The following GCN1 variants were observed in gnomAD, a reference collection of about 807,000 sequenced individuals.
The protein encoded by GCN1 is stalled ribosome sensor GCN1.
In GCN1, 90 loss-of-function variants were observed where a neutral mutation model predicts 288.4. The ratio of observed to expected loss-of-function variants is 0.31; its 90% confidence interval spans 0.26 to 0.37. The LOEUF is 0.37. Ranked by LOEUF, GCN1 falls within the 10% of genes least tolerant of loss-of-function variation. The pLI is 1.00. For synonymous variants in GCN1, 1,386 were observed against 1,420.2 expected, an observed-to-expected ratio of 0.98 and a Z score of 0.54; for missense variants, 2,586 against 3,419.9, an observed-to-expected ratio of 0.76 and a Z score of 6.08.
chr12:120,134,083 C>T lies in GCN1; in HGVS notation c.7317+208G>A, dbSNP rs183595189. ...CTCAGCCAAAAAACAAACAAACAAACGGAAATAACCAATATATCCACAATA... is the reference window on the plus strand; with the variant it reads ...CTCAGCCAAAAAACAAACAAACAAATGGAAATAACCAATATATCCACAATA... On this transcript the variant is annotated intron_variant, in intron 53 of 57. Coordinates refer to ENST00000300648, the MANE Select transcript of GCN1 (RefSeq NM_006836.2). This position sits in a 1 kb window ranked among gnomAD's most constrained non-coding sequence, Gnocchi z 5.0. 7.2e-5 allele frequency among the ~76,000 whole-genome samples: 11 copies of T among 152,216 alleles called. No homozygotes were observed. The East Asian group carries it at 1.7e-3, about 24-fold the overall frequency.
At chr12:120,162,119 C>A in intron 20 of GCN1, 61 bp from the exon 21 acceptor site, 1 of 1,408,448 alleles carries the variant, frequency 7.1e-7, no homozygotes, top group Non-Finnish European at 9.9e-7. Context: ...AAGAGGTCCA[C>A]CACACCTGAA....
chr12:120,161,479 C>A lies in GCN1; in HGVS notation c.2436+11G>T. 1 of 1,592,724 alleles carries A rather than the reference C, an allele frequency of 6.3e-7. No individual in the cohort carries two copies. Among genetic ancestry groups the A allele is most frequent in the Non-Finnish European group, 8.6e-7 (1 of 1,160,510 alleles). ...AGCAGCCACCTTCCGTAAGTGCCTC[C>A]GTGTACTCACCTCCTTCAGCTCCAG... On this transcript the variant is annotated intron_variant, in intron 22 of 57. Coordinates refer to ENST00000300648, the MANE Select transcript of GCN1 (RefSeq NM_006836.2).
chr12:120,154,663 ACT>A (rs1297363663), intron 31 of GCN1, among the ~76,000 whole-genome samples: 2 of 152,184 alleles, frequency 1.3e-5, no homozygotes, highest in Non-Finnish European at 2.9e-5. Context: ...AGGAGAGGAC[ACT>A]CTAAGGAACT....
Position 120,129,514 on chromosome 12 carries a change from C to G in GCN1, c.7672-20G>C. 1 of 1,576,328 alleles carries G rather than the reference C, an allele frequency of 6.3e-7. No homozygotes were observed. Among genetic ancestry groups the G allele is most frequent in the South Asian group, 1.1e-5 (1 of 90,362 alleles). Reference sequence around the variant, plus strand: ...CAGACACTGTAAAAAGAACCACAAACAGGCTTTTGGATAGGCATGTCATCT... The same window carrying G: ...CAGACACTGTAAAAAGAACCACAAAGAGGCTTTTGGATAGGCATGTCATCT... On this transcript the variant is annotated intron_variant, in intron 56 of 57. Transcript: ENST00000300648.
chr12:120,191,929 T>C (rs960846661), intron 1 of GCN1, among the ~76,000 whole-genome samples: 1 of 152,138 alleles, frequency 6.6e-6, no homozygotes, highest in Non-Finnish European at 1.5e-5. Flanking sequence ...ACAGCTCCCT[T>C]TCCTGCTGTG....
intron 2 of GCN1, among the ~76,000 whole-genome samples, chr12:120,188,824 G>A (rs1230746852): frequency 1.3e-5 from 2 of 151,036 alleles, no homozygotes; most frequent in East Asian, 3.9e-4. Context: ...ACTCCAGCCT[G>A]GGCAACACAG....
At position 120,137,306 on chromosome 12, in the gene GCN1, C is replaced by G; in HGVS notation, c.6677G>C (p.Gly2226Ala). The G allele has an allele frequency of 6.2e-7, 1 of 1,613,640 alleles. No individual in the cohort carries two copies. Among genetic ancestry groups the G allele is most frequent in the Non-Finnish European group, 8.5e-7 (1 of 1,179,616 alleles). ...LNAITKKLDAGNQLALIEELH... is the reference protein window; with the variant it reads ...LNAITKKLDAANQLALIEELH... ...CTCTTCAATGAGTGCCAACTGGTTGCCAGCATCCAGCTTCTGCAGGAATCC... is the reference window on the plus strand; with the variant it reads ...CTCTTCAATGAGTGCCAACTGGTTGGCAGCATCCAGCTTCTGCAGGAATCC... The change falls in exon 50 of 58, where the codon GGC becomes GCC. Residue 2226 changes from glycine (G) to alanine (A), a missense_variant. By Grantham distance (60) the Gly-to-Ala change is moderately conservative (BLOSUM62 0). Around this residue, in one of 8 missense-constraint regions of GCN1, gnomAD observed 437 missense variants for 570.5 expected, o/e 0.77. Transcript: ENST00000300648. This position sits in a 1 kb window ranked among gnomAD's most constrained non-coding sequence, Gnocchi z 5.2.
intron 36 of GCN1, 68 bp downstream of exon 36, chr12:120,149,538 C>G (rs1211149180): frequency 9.1e-7 from 1 of 1,099,646 alleles, no homozygotes; most frequent in Non-Finnish European, 1.4e-6. Context: ...TGTGGCTACC[C>G]AGGATCCTTG....
rs757372265 is a variant in GCN1, at chr12:120,139,032, G to C, written c.5995-176C>G. 3 of 516,254 alleles carry C rather than the reference G, an allele frequency of 5.8e-6. No individual in the cohort carries two copies. The African/African-American group carries it at 5.8e-5, about 10-fold the overall frequency. The allele number at this position is 516,254 out of a possible 1,614,324, so 32.0% of individuals were successfully genotyped here. Reference sequence around the variant, plus strand: ...AATAAAAAAAAGGAGAGAAGGGGCCGGGCACGGTGGCTCACACCTGTAATC... The same window carrying C: ...AATAAAAAAAAGGAGAGAAGGGGCCCGGCACGGTGGCTCACACCTGTAATC... On this transcript the variant is annotated intron_variant, in intron 45 of 57. Transcript: ENST00000300648.
chr12:120,149,929 ACAT>A lies in GCN1; in HGVS notation c.4421_4423del (p.Tyr1474_Val1475delinsLeu). On this transcript the variant is annotated inframe_deletion, in exon 35 of 58. Coordinates refer to ENST00000300648, the MANE Select transcript of GCN1 (RefSeq NM_006836.2). The stretch of plus-strand genomic sequence containing the variant: ...AGCAGTCCGGGGACTTACCTCACGC[ACAT>A]ACTGGTTTCCATCCCCAAAGCACAG... The A allele has an allele frequency of 6.2e-7, 1 of 1,614,182 alleles. No individual in the cohort carries two copies. The highest frequency in any genetic ancestry group is 8.5e-7 in the Non-Finnish European group (1 of 1,180,038).
rs965590504 is a variant in GCN1 at position 120,176,026 on chromosome 12, T to G, written c.913+117A>C. On this transcript the variant is annotated intron_variant, in intron 10 of 57. Transcript: ENST00000300648. ...AGAAACTGCCAATGCCAATGTAGTT[T>G]AGGTTAGGGCCTTATTACTACCCTG... is the stretch of plus-strand genomic sequence containing the variant. 3 of 1,274,374 alleles carry G rather than the reference T, an allele frequency of 2.4e-6. No individual in the cohort carries two copies. In the African/African-American group the frequency reaches 4.5e-5, roughly 19 times the overall value. The allele number at this position is 1,274,374 out of a possible 1,614,324, so 78.9% of individuals were successfully genotyped here. A position where few individuals can be genotyped will look rare whatever the true frequency, so the allele number is the denominator to read the frequency against.
In GCN1 at chr12:120,134,505, C is replaced by A; in HGVS notation, c.7202+28G>T. ...ACAGCAACCCCTGGCCTCCTGGAGG[C>A]CACAGTGCTCCCTTGCCAGCGCCGT... On this transcript the variant is annotated intron_variant, in intron 52 of 57. Transcript: ENST00000300648. This position sits in a 1 kb window ranked among gnomAD's most constrained non-coding sequence, Gnocchi z 5.0. The A allele has an allele frequency of 6.2e-7, 1 of 1,607,538 alleles. No homozygotes were observed. Among genetic ancestry groups the A allele is most frequent in the Non-Finnish European group, 8.5e-7 (1 of 1,174,604 alleles).
At chr12:120,131,431 T>C in intron 54 of GCN1, 98 bp from the exon 55 acceptor site, 1 of 1,196,766 alleles carries the variant, frequency 8.4e-7, no homozygotes, top group Non-Finnish European at 1.2e-6. Context: ...ACCAGTGTGC[T>C]GACCCAGAGC....
chr12:120,148,236 T>C lies in GCN1; in HGVS notation c.4657A>G (p.Lys1553Glu). 6.2e-7 allele frequency: 1 copy of C among 1,614,110 alleles called. No individual in the cohort carries two copies. Reference sequence around the variant, plus strand: ...GCCTGCTGTCCAGCCTTCTGGACTTTGACATGGGAGTCGGTCAGCACCTCC... The same window carrying C: ...GCCTGCTGTCCAGCCTTCTGGACTTCGACATGGGAGTCGGTCAGCACCTCC... The part of the protein sequence containing the change: ...LTEVLTDSHV[K>E]VQKAGQQALR... Residue 1553 changes from lysine (K) to glutamate (E), a missense_variant, in exon 37 of 58, where the codon AAA becomes GAA. Lys to Glu is a moderately conservative substitution (Grantham distance 56). Around this residue, in one of 8 missense-constraint regions of GCN1, gnomAD observed 371 missense variants for 572.6 expected, o/e 0.65. Transcript: ENST00000300648.
intron 45 of GCN1, among the ~76,000 whole-genome samples, chr12:120,139,549 G>A (rs1181335670): frequency 6.6e-6 from 1 of 151,992 alleles, no homozygotes; most frequent in African/African-American, 2.4e-5. Flanking sequence ...GATCACTTGA[G>A]CCCAGAAGGT....
rs1474470165 is a variant in GCN1, at chr12:120,154,993, A to G, written c.3678T>C (p.Ser1226=). Residue 1226 remains serine (S), a synonymous_variant, in exon 31 of 58, where the codon TCT becomes TCC. Transcript: ENST00000300648. ...LDALGRVISE[S]PPDQWEARCG... is the part of the protein sequence containing the mutation. ...ACCTGGCTTCCCACTGATCTGGAGG[A>G]GATTCTGAAATAACTCGTCCCAAAG... is the stretch of plus-strand genomic sequence containing the variant. The G allele has an allele frequency of 6.2e-7, 1 of 1,613,806 alleles. No individual in the cohort carries two copies. The highest frequency in any genetic ancestry group is 1.7e-5 in the Admixed American group (1 of 60,024).
At chr12:120,139,369 G>A (rs1004513167) in intron 45 of GCN1, among the ~76,000 whole-genome samples, 6 of 152,142 alleles carry the variant, frequency 3.9e-5, no homozygotes, top group African/African-American at 9.7e-5. Flanking sequence ...GCTCACGCCT[G>A]TAATCCCAAC....
chr12:120,143,518 G>A (rs1462550856), intron 42 of GCN1, among the ~76,000 whole-genome samples: 1 of 151,140 alleles, frequency 6.6e-6, no homozygotes, highest in African/African-American at 2.4e-5. Flanking sequence ...GGAGGCAGAG[G>A]TTGCGGTGAG....
In GCN1 at chr12:120,178,651, C is replaced by G. The variant is rs375640284; in HGVS notation, c.634G>C (p.Glu212Gln). ...LLVQFCTSHK[E>Q]MDVVSQHKSA... is the part of the protein sequence containing the mutation. The stretch of plus-strand genomic sequence containing the variant: ...TTGTGCTGACTGACCACGTCCATCT[C>G]CTTGTGACTCGTGCAGAACTGCACC... Residue 212 changes from glutamate (E) to glutamine (Q), a missense_variant, in exon 7 of 58, where the codon GAG (glutamate) becomes CAG (glutamine). Around this residue, in one of 8 missense-constraint regions of GCN1, gnomAD observed 913 missense variants for 1,107.0 expected, o/e 0.82. Transcript: ENST00000300648. 1.3e-5 allele frequency: 21 copies of G among 1,614,126 alleles called. No individual in the cohort carries two copies. The highest frequency in any genetic ancestry group is 1.6e-5 in the Non-Finnish European group (19 of 1,180,050).
Sources: gnomAD v4.1 joint callset for allele counts (sites outside exome capture counted in the v4.1 genomes callset) on GRCh38, gnomAD v4.1.1 for gene constraint, gnomAD v4.1.1 regional missense constraint, Gnocchi (gnomAD v3.1) non-coding constraint, MANE v1.5 for transcripts, NCBI Gene and HGNC (gene_info 2026-07-23, HGNC 2026-07-21) for gene names.